Variants in UBR3 observed in about 807,000 individuals in gnomAD.
UBR3 encodes the protein E3 ubiquitin-protein ligase UBR3.
Under a neutral mutation model 243.2 loss-of-function variants are expected in UBR3, and 85 were observed. The ratio of observed to expected loss-of-function variants is 0.35; its 90% CI spans 0.29 to 0.42. The LOEUF (loss-of-function observed/expected upper bound fraction) is 0.42. Ranked by LOEUF, UBR3 falls within the 10% of genes least tolerant of loss-of-function variation. The pLI, the probability that UBR3 is intolerant of heterozygous loss-of-function variation, is 1.00. For missense variants in UBR3, 1,686 were observed against 2,300.8 expected, an observed-to-expected ratio of 0.73 and a Z score of 5.47; for synonymous variants, 748 against 799.8, an observed-to-expected ratio of 0.94 and a Z score of 1.09.
intron 8 of UBR3, among the ~76,000 whole-genome samples, chr2:169,897,422 C>T (rs2105328535): frequency 6.6e-6 from 1 of 152,010 alleles, no homozygotes; most frequent in African/African-American, 2.4e-5. Context: ...ACTTTACCTC[C>T]CTTAAATTCT....
chr2:169,969,562 T>TG (rs1427590892), intron 24 of UBR3, among the ~76,000 whole-genome samples: 24 of 151,400 alleles, frequency 1.6e-4, no homozygotes, highest in African/African-American at 5.1e-4. Context: ...TTTTTTTTTT[T>TG]TTGTTAGATG....
chr2:170,064,185 A>G (rs1342384475), intron 35 of UBR3, among the ~76,000 whole-genome samples: 12 of 152,178 alleles, frequency 7.9e-5, no homozygotes, highest in Non-Finnish European at 4.4e-5. Context: ...CTTTTTAAAA[A>G]TTGGGTTTCT....
chr2:169,867,251 A>G (rs1305375779), intron 1 of UBR3, among the ~76,000 whole-genome samples: 7 of 152,142 alleles, frequency 4.6e-5, no homozygotes, highest in African/African-American at 1.7e-4. Context: ...TCTTATATAT[A>G]TTAACATTTG....
In UBR3 at chr2:169,958,367, A is replaced by G. The variant is rs990671904; in HGVS notation, c.3546-71A>G. The G allele has an allele frequency of 1.1e-5, 15 of 1,369,420 alleles. No homozygotes were observed. The South Asian group carries it at 1.4e-4, about 13-fold the overall frequency. The allele number at this position is 1,369,420 out of a possible 1,614,324, so 84.8% of individuals were successfully genotyped here. On this transcript the variant is annotated intron_variant, in intron 23 of 38. Transcript: ENST00000272793. ...GTGCCAGGGGCTTTTCATACATTATATACTCCTGAAATATAGTAGCTAGGT... is the reference window on the plus strand; with the variant it reads ...GTGCCAGGGGCTTTTCATACATTATGTACTCCTGAAATATAGTAGCTAGGT...
rs542538160 is a variant in UBR3 at position 169,868,040 on chromosome 2, C to G, written c.546-4196C>G. ...GATCTTTTTATTAGGGAAAATATCC[C>G]TTGGTGTCATTTTTGACTGAAAGAC... is the stretch of plus-strand genomic sequence containing the variant. On this transcript the variant is annotated intron_variant, in intron 1 of 38. Transcript: ENST00000272793. Among the ~76,000 whole-genome samples the G allele has an allele frequency of 2.6e-5, 4 of 152,184 alleles. No homozygotes were observed. The South Asian group carries it at 8.3e-4, about 32-fold the overall frequency.
intron 35 of UBR3, among the ~76,000 whole-genome samples, chr2:170,069,991 AT>A (rs2091663037): frequency 6.6e-6 from 1 of 152,044 alleles, no homozygotes; most frequent in African/African-American, 2.4e-5. Flanking sequence ...TTTGTATTTT[AT>A]TGTTATTTTT....
chr2:169,868,247 C>T (rs551055128), intron 1 of UBR3, among the ~76,000 whole-genome samples: 105 of 152,188 alleles, frequency 6.9e-4, no homozygotes, highest in Non-Finnish European at 1.4e-3. Flanking sequence ...TTCCCTTTAT[C>T]TCACCAAATT....
At chr2:170,003,615 A>G (rs1574377250) in intron 27 of UBR3, among the ~76,000 whole-genome samples, 1 of 152,142 alleles carries the variant, frequency 6.6e-6, no homozygotes, top group East Asian at 1.9e-4. Flanking sequence ...TACAGTACGC[A>G]TGCTAAATGT....
At chr2:170,034,433 A>G (rs1448612420) in intron 31 of UBR3, among the ~76,000 whole-genome samples, 1 of 151,982 alleles carries the variant, frequency 6.6e-6, no homozygotes, top group Non-Finnish European at 1.5e-5. Context: ...ATCATACAAT[A>G]TGTAGCTTTT....
chr2:170,001,912 CAAAAAAAAAAAAAAAAAA>C (rs71006062), intron 27 of UBR3, among the ~76,000 whole-genome samples: 1 of 67,510 alleles, frequency 1.5e-5, no homozygotes, highest in Non-Finnish European at 2.5e-5. Flanking sequence ...GACTCCATCT[CAAAAAAAAAAAAAAAAAA>C]AAAAAAAAAA....
In UBR3 at chr2:170,051,479, G is replaced by T. The variant is rs2091215613; in HGVS notation, c.4661-3981G>T. ...CCTGCCTCAGCCTTCCAAGTAGCTG[G>T]GCTTACAGGCACCCGCCACCACGCC... On this transcript the variant is annotated intron_variant, in intron 32 of 38. Transcript: ENST00000272793. Among the ~76,000 whole-genome samples the T allele has an allele frequency of 2.0e-5, 3 of 152,110 alleles. No individual in the cohort carries two copies. In the South Asian group the frequency reaches 6.3e-4, roughly 32 times the overall value.
chr2:169,962,806 T>C (rs1041485575), intron 24 of UBR3, among the ~76,000 whole-genome samples: 21 of 152,188 alleles, frequency 1.4e-4, no homozygotes, highest in African/African-American at 4.6e-4. Context: ...GAAAAACTTA[T>C]GTTAGTCTTT....
chr2:169,851,342 C>T (rs1309235833), intron 1 of UBR3, among the ~76,000 whole-genome samples: 1 of 152,128 alleles, frequency 6.6e-6, no homozygotes, highest in African/African-American at 2.4e-5. Flanking sequence ...CTAGATTGGT[C>T]TCAAACTTCT....
At chr2:170,066,678 C>A (rs973189091) in intron 35 of UBR3, among the ~76,000 whole-genome samples, 20 of 151,998 alleles carry the variant, frequency 1.3e-4, no homozygotes, top group Non-Finnish European at 1.5e-5. Flanking sequence ...ATTTAAACTT[C>A]GTTATAGGCT....
intron 35 of UBR3, among the ~76,000 whole-genome samples, chr2:170,071,353 A>G (rs2091693924): frequency 6.6e-6 from 1 of 151,798 alleles, no homozygotes; most frequent in South Asian, 2.1e-4. Flanking sequence ...GTGGTATAAC[A>G]TGAATGAGTC....
At chr2:169,979,519 A>G (rs1400022354) in intron 24 of UBR3, among the ~76,000 whole-genome samples, 2 of 152,218 alleles carry the variant, frequency 1.3e-5, no homozygotes, top group Non-Finnish European at 2.9e-5. Context: ...CCATAGATGA[A>G]TGGATAAAGA....
chr2:169,882,681 AGAGCT>A (rs2105318374), intron 5 of UBR3, among the ~76,000 whole-genome samples: 2 of 151,864 alleles, frequency 1.3e-5, no homozygotes, highest in South Asian at 4.1e-4. Flanking sequence ...CAGAAGTTGC[AGAGCT>A]GAGATTGCAC....
intron 23 of UBR3, among the ~76,000 whole-genome samples, chr2:169,957,166 C>T (rs2087338270): frequency 6.6e-6 from 1 of 152,072 alleles, no homozygotes; most frequent in Admixed American, 6.6e-5. Context: ...AAACTTTATG[C>T]TTACTAGTAT....
chr2:169,925,801 A>T, intron 14 of UBR3, 54 bp downstream of exon 14: 1 of 1,431,106 alleles, frequency 7.0e-7, no homozygotes, highest in South Asian at 1.5e-5. Context: ...TTTGTACCCA[A>T]GGGATTTTAA....
Sources: gnomAD v4.1 joint callset for allele counts (sites outside exome capture counted in the v4.1 genomes callset) on GRCh38, gnomAD v4.1.1 for gene constraint, MANE v1.5 for transcripts, NCBI Gene and HGNC (gene_info 2026-07-23, HGNC 2026-07-21) for gene names.